The following SLCO3A1 variants were observed in gnomAD, a reference collection of about 807,000 sequenced individuals.
SLCO3A1 encodes the protein solute carrier organic anion transporter family member 3A1.
In SLCO3A1, 27 loss-of-function variants were observed where a neutral mutation model predicts 63.1. That is an observed-to-expected ratio of 0.43 (90% CI 0.32 to 0.59). The LOEUF (loss-of-function observed/expected upper bound fraction) is 0.59. Among genes scored for constraint, SLCO3A1 ranks in the 20% least tolerant of loss-of-function variants. The pLI, the probability that SLCO3A1 is intolerant of heterozygous loss-of-function variation, is 0.09. For missense variants in SLCO3A1, 773 were observed against 945.8 expected (o/e 0.82, Z 2.40); for synonymous variants, 473 against 409.9 (o/e 1.15, Z -1.86).
intron 2 of SLCO3A1, among the ~76,000 whole-genome samples, chr15:92,035,278 T>C (rs962792582): frequency 6.6e-6 from 1 of 151,878 alleles, no homozygotes; most frequent in Non-Finnish European, 1.5e-5. Flanking sequence ...GTATATGTTA[T>C]GTCAATAGCA....
Position 91,968,681 on chromosome 15 carries a change from G to A in SLCO3A1, c.646+52223G>A, listed in dbSNP as rs1209058523. On this transcript the variant is annotated intron_variant, in intron 2 of 9. Transcript: ENST00000318445. The surrounding 1 kb of genome is among the most constrained non-coding windows in gnomAD (Gnocchi z 4.2). ...AACCCATTCTTCAGACAGAGAAAGG[G>A]TGCACACGCAGACCCGCAAGCACAG... 1.3e-5 allele frequency among the ~76,000 whole-genome samples: 2 copies of A among 152,164 alleles called. No individual in the cohort carries two copies. Among genetic ancestry groups the A allele is most frequent in the East Asian group, 3.9e-4 (2 of 5,192 alleles).
intron 2 of SLCO3A1, among the ~76,000 whole-genome samples, chr15:92,001,942 T>C (rs978583915): frequency 6.6e-6 from 1 of 151,036 alleles, no homozygotes; most frequent in Non-Finnish European, 1.5e-5. Context: ...AGTTGGCACC[T>C]TTGCCTAGAG....
At position 92,120,461 on chromosome 15, in the gene SLCO3A1, G is replaced by T. The variant is rs2047850011; in HGVS notation, c.1010-4G>T. The T allele has an allele frequency of 6.2e-7, 1 of 1,613,956 alleles. No homozygotes were observed. Among genetic ancestry groups the T allele is most frequent in the African/African-American group, 1.3e-5 (1 of 75,024 alleles). On this transcript the variant is annotated splice_region_variant and splice_polypyrimidine_tract_variant and intron_variant, in intron 4 of 9. Transcript: ENST00000318445. The stretch of plus-strand genomic sequence containing the variant: ...CTGACCATCTGCCTTCTGTCTCCCT[G>T]CAGTGATCCCGAAGGTCACCAAGCA...
intron 9 of SLCO3A1, 77 bp downstream of exon 9, chr15:92,151,091 C>A (rs2048299671): frequency 6.1e-6 from 6 of 986,714 alleles, no homozygotes; most frequent in Non-Finnish European, 9.5e-6. Flanking sequence ...GTCAAATTAT[C>A]CCATTTCCTA....
intron 7 of SLCO3A1, among the ~76,000 whole-genome samples, chr15:92,130,884 GCAAAAAAA>G (rs2047985896): frequency 9.3e-6 from 1 of 107,328 alleles, no homozygotes; most frequent in African/African-American, 3.8e-5. Flanking sequence ...CAAGTTCGGG[GCAAAAAAA>G]AAAAAAAAAA....
chr15:92,038,635 C>T (rs2046756770), intron 2 of SLCO3A1, among the ~76,000 whole-genome samples: 1 of 152,184 alleles, frequency 6.6e-6, no homozygotes, highest in Admixed American at 6.5e-5. Context: ...ATTCCATCCT[C>T]CTGGATAGGA....
At chr15:92,048,842 G>A (rs2046922665) in intron 2 of SLCO3A1, among the ~76,000 whole-genome samples, 1 of 152,212 alleles carries the variant, frequency 6.6e-6, no homozygotes, top group Non-Finnish European at 1.5e-5. Context: ...AGGTTGCAGT[G>A]AGCCGAGATC....
chr15:91,913,253 A>G (rs1898539775), intron 1 of SLCO3A1, among the ~76,000 whole-genome samples: 1 of 152,264 alleles, frequency 6.6e-6, no homozygotes, highest in Admixed American at 6.5e-5. Context: ...TCAGAATGCC[A>G]GAGATAGAGG....
At chr15:92,089,720 G>A (rs530470800) in intron 2 of SLCO3A1, among the ~76,000 whole-genome samples, 1 of 152,236 alleles carries the variant, frequency 6.6e-6, no homozygotes, top group South Asian at 2.1e-4. Flanking sequence ...AGATTATATA[G>A]TGCGGGAAAA....
At chr15:92,002,726 A>G (rs1567061122) in intron 2 of SLCO3A1, among the ~76,000 whole-genome samples, 1 of 152,200 alleles carries the variant, frequency 6.6e-6, no homozygotes, top group Non-Finnish European at 1.5e-5. Flanking sequence ...CTCACTTTTT[A>G]TTGAATATTC....
chr15:91,923,633 G>C (rs376275460), intron 2 of SLCO3A1, among the ~76,000 whole-genome samples: 1 of 152,100 alleles, frequency 6.6e-6, no homozygotes, highest in African/African-American at 2.4e-5. Flanking sequence ...TTTAAATAAC[G>C]TATTCTTATT....
chr15:92,086,877 G>A (rs1596087491), intron 2 of SLCO3A1, among the ~76,000 whole-genome samples: 1 of 151,894 alleles, frequency 6.6e-6, no homozygotes, highest in East Asian at 1.9e-4. Flanking sequence ...TCAAGAGGCT[G>A]AGGCAGGAGA....
chr15:92,012,510 C>G (rs2046379891), intron 2 of SLCO3A1, among the ~76,000 whole-genome samples: 1 of 152,118 alleles, frequency 6.6e-6, no homozygotes, highest in Non-Finnish European at 1.5e-5. Flanking sequence ...TGGTGTTGGC[C>G]TTGTGGAAAG....
intron 2 of SLCO3A1, among the ~76,000 whole-genome samples, chr15:91,940,285 A>G (rs8032981): frequency 0.75 from 113,275 of 151,900 alleles, 42,624 homozygotes; most frequent in East Asian, 0.98. Context: ...TTTCTGATAC[A>G]CGTGCAATCC....
intron 8 of SLCO3A1, among the ~76,000 whole-genome samples, chr15:92,148,028 C>T (rs1016550462): frequency 1.3e-4 from 20 of 152,106 alleles, no homozygotes; most frequent in African/African-American, 4.8e-4. Context: ...ACCAGCCTAG[C>T]CAACATGGAG....
chr15:91,961,888 C>A (rs1432220887), intron 2 of SLCO3A1, among the ~76,000 whole-genome samples: 1 of 152,234 alleles, frequency 6.6e-6, no homozygotes, highest in Non-Finnish European at 1.5e-5. Flanking sequence ...GGACCCAGCA[C>A]ATGTGTACTG....
chr15:92,065,626 G>T (rs986296594), intron 2 of SLCO3A1, among the ~76,000 whole-genome samples: 1 of 152,050 alleles, frequency 6.6e-6, no homozygotes, highest in Non-Finnish European at 1.5e-5. Context: ...TTCCCAAGTG[G>T]CCCCTATTTC....
intron 2 of SLCO3A1, among the ~76,000 whole-genome samples, chr15:91,999,186 T>C (rs2046225179): frequency 6.6e-6 from 1 of 152,192 alleles, no homozygotes; most frequent in Admixed American, 6.5e-5. Flanking sequence ...TACTATGCTC[T>C]CCACCTGGGT....
Position 91,862,953 on chromosome 15 carries a change from T to G in SLCO3A1, c.180+8865T>G, listed in dbSNP as rs1275063832. On this transcript the variant is annotated intron_variant, in intron 1 of 9. Coordinates refer to ENST00000318445, the MANE Select transcript of SLCO3A1 (RefSeq NM_013272.4). This position sits in a 1 kb window ranked among gnomAD's most constrained non-coding sequence, Gnocchi z 4.0. Reference sequence around the variant, plus strand: ...CTAATTGTTGAATTTGTCTCCCAACTTCAGCTGATTAGAAGGAGAAATTAC... The same window carrying G: ...CTAATTGTTGAATTTGTCTCCCAACGTCAGCTGATTAGAAGGAGAAATTAC... Among the ~76,000 whole-genome samples the G allele has an allele frequency of 6.6e-6, 1 of 152,252 alleles. No individual in the cohort carries two copies. Among genetic ancestry groups the G allele is most frequent in the African/African-American group, 2.4e-5 (1 of 41,470 alleles).
Sources: allele counts gnomAD v4.1 joint callset (sites outside exome capture counted in the v4.1 genomes callset), GRCh38; gene constraint gnomAD v4.1.1; non-coding constraint Gnocchi (gnomAD v3.1); transcripts MANE v1.5; gene names NCBI Gene and HGNC (gene_info 2026-07-23, HGNC 2026-07-21).